Variants in C1orf198 observed in about 807,000 individuals in gnomAD.
The protein encoded by C1orf198 is chromosome 1 open reading frame 198.
C1orf198 carries 17 observed loss-of-function variants against 31.4 expected under a neutral mutation model. The ratio of observed to expected loss-of-function variants is 0.54; its 90% CI spans 0.37 to 0.81. The LOEUF (loss-of-function observed/expected upper bound fraction) is 0.81, where lower values mean the gene tolerates loss of function less well. Among genes scored for constraint, C1orf198 ranks in the 40% least tolerant of loss-of-function variants. The pLI, the probability that C1orf198 is intolerant of heterozygous loss-of-function variation, is 0.00. For missense variants in C1orf198, 401 were observed against 450.3 expected, an observed-to-expected ratio of 0.89 and a Z score of 0.99; for synonymous variants, 175 against 193.8, an observed-to-expected ratio of 0.90 and a Z score of 0.81.
intron 3 of C1orf198, among the ~76,000 whole-genome samples, chr1:230,841,043 A>G (rs966317243): frequency 5.9e-5 from 9 of 152,186 alleles, no homozygotes; most frequent in African/African-American, 2.2e-4. Context: ...TAGAGTGGGG[A>G]CTATCACCTA....
In C1orf198 at chr1:230,843,197, G is replaced by C. The variant is rs1356538462; in HGVS notation, c.927+157C>G. The stretch of plus-strand genomic sequence containing the variant: ...TTGTTGCATATTTGTTGGTGGCTCA[G>C]CACCCTGAGCCTAGGCATCCTCTGA... On this transcript the variant is annotated intron_variant, in intron 3 of 3. Transcript: ENST00000366663. The surrounding 1 kb of genome is among the most constrained non-coding windows in gnomAD (Gnocchi z 4.9). 6.6e-6 allele frequency among the ~76,000 whole-genome samples: 1 copy of C among 152,152 alleles called. No individual in the cohort carries two copies. Among genetic ancestry groups the C allele is most frequent in the Non-Finnish European group, 1.5e-5 (1 of 68,028 alleles).
At chr1:230,847,576 C>T (rs1435705543) in intron 2 of C1orf198, among the ~76,000 whole-genome samples, 1 of 152,178 alleles carries the variant, frequency 6.6e-6, no homozygotes, top group Non-Finnish European at 1.5e-5. Flanking sequence ...CCAGGTATGA[C>T]ATCCATGGAA....
chr1:230,865,629 C>T (rs1333732269), intron 1 of C1orf198, among the ~76,000 whole-genome samples: 1 of 152,212 alleles, frequency 6.6e-6, no homozygotes, highest in Non-Finnish European at 1.5e-5. Flanking sequence ...GGCAAGGGGC[C>T]ATCTGGGCCT....
chr1:230,868,399 G>A lies in C1orf198; in HGVS notation c.114C>T (p.Pro38=), dbSNP rs898435896. 3.8e-6 allele frequency: 6 copies of A among 1,596,636 alleles called. No individual in the cohort carries two copies. In the African/African-American group the frequency reaches 5.5e-5, roughly 15 times the overall value. ...TGTCCTGCATGATCTTCCTGGCCAT[G>A]GGGCTCAGCGACGAGAAGTAAGTGA... The part of the protein sequence containing the change: ...KRFTYFSSLS[P]MARKIMQDKE... The change falls in exon 1 of 4, where the codon CCC becomes CCT. Residue 38 remains proline (P), a synonymous_variant. Transcript: ENST00000366663.
intron 2 of C1orf198, among the ~76,000 whole-genome samples, chr1:230,845,655 C>A (rs1194517183): frequency 2.0e-5 from 3 of 151,598 alleles, no homozygotes; most frequent in Non-Finnish European, 4.4e-5. Context: ...TGCACTCCAG[C>A]CTGGGCAACA....
intron 1 of C1orf198, among the ~76,000 whole-genome samples, chr1:230,860,649 T>C (rs1453353497): frequency 1.3e-5 from 2 of 152,176 alleles, no homozygotes; most frequent in Non-Finnish European, 2.9e-5. Flanking sequence ...ATAAGGTACC[T>C]AGAGTAGGCA....
Position 230,839,740 on chromosome 1 carries a change from A to G in C1orf198, c.*112T>C. 2.2e-6 allele frequency: 2 copies of G among 912,560 alleles called. No individual in the cohort carries two copies. The highest frequency in any genetic ancestry group is 3.3e-6 in the Non-Finnish European group (2 of 607,988). 56.5% of individuals were successfully genotyped at this position (912,560 alleles called of 1,614,324 possible). A position where few individuals can be genotyped will look rare whatever the true frequency, so the allele number is the denominator to read the frequency against. On this transcript the variant is annotated 3_prime_UTR_variant, in exon 4 of 4. Coordinates refer to ENST00000366663, the MANE Select transcript of C1orf198 (RefSeq NM_032800.3). ...CCAGTTTCCAAATGATTAAGAAAAG[A>G]GTGTCAAGAAACCAGTAAAATACAT...
Position 230,868,217 on chromosome 1 carries a change from C to A in C1orf198, c.296G>T (p.Gly99Val). The change falls in exon 1 of 4, where the codon GGG (glycine) becomes GTG (valine). Residue 99 changes from glycine (G) to valine (V), a missense_variant. By Grantham distance (109) the Gly-to-Val change is moderately radical. Transcript: ENST00000366663. Reference protein sequence around the residue: ...EELTRFPGLRGPTGQKVVRFG... With the variant: ...EELTRFPGLRVPTGQKVVRFG... ...GCGCACCACCTTCTGGCCCGTGGGC[C>A]CGCGCAAGCCGGGGAAGCGCGTGAG... 6.5e-7 allele frequency: 1 copy of A among 1,537,098 alleles called. No individual in the cohort carries two copies. Among genetic ancestry groups the A allele is most frequent in the South Asian group, 1.2e-5 (1 of 83,614 alleles).
At chr1:230,853,109 T>A (rs542554348) in intron 2 of C1orf198, among the ~76,000 whole-genome samples, 1 of 152,250 alleles carries the variant, frequency 6.6e-6, no homozygotes, top group East Asian at 1.9e-4. Context: ...CATCAGGCGA[T>A]CAGATGACAC....
chr1:230,859,362 C>T (rs971955289), intron 1 of C1orf198, among the ~76,000 whole-genome samples: 1 of 152,116 alleles, frequency 6.6e-6, no homozygotes, highest in Admixed American at 6.5e-5. Flanking sequence ...TCCCACCCCC[C>T]TCTCTGGCGC....
intron 2 of C1orf198, among the ~76,000 whole-genome samples, chr1:230,851,991 A>G (rs1413332560): frequency 1.3e-5 from 2 of 152,222 alleles, no homozygotes; most frequent in East Asian, 1.9e-4. Flanking sequence ...GCCCATGGCC[A>G]TGACCTTGGG....
In C1orf198 at chr1:230,868,436, T is replaced by G; in HGVS notation, c.77A>C (p.Glu26Ala). The G allele has an allele frequency of 1.3e-6, 2 of 1,578,262 alleles. No individual in the cohort carries two copies. The highest frequency in any genetic ancestry group is 1.7e-6 in the Non-Finnish European group (2 of 1,162,256). ...CGAGAAGTAAGTGAAGCGCTTTCGC[T>G]CCCGGTCGTCCAGAGGCCGGTTCCC... The part of the protein sequence containing the change: ...MSGNRPLDDR[E>A]RKRFTYFSSL... The change falls in exon 1 of 4, where the codon GAG becomes GCG. Residue 26 changes from glutamate (E) to alanine (A), a missense_variant. By Grantham distance (107) the Glu-to-Ala change is moderately radical. Transcript: ENST00000366663.
rs919414438 is a variant in C1orf198 at position 230,860,408 on chromosome 1, G to A, written c.334-4690C>T. ...AGGGGCTCAGAGATCCTTATACCCC[G>A]ATGTTTATAGCTGTGCCATTCACAA... On this transcript the variant is annotated intron_variant, in intron 1 of 3. Transcript: ENST00000366663. 3.9e-5 allele frequency among the ~76,000 whole-genome samples: 6 copies of A among 152,160 alleles called. No individual in the cohort carries two copies. In the East Asian group the frequency reaches 7.7e-4, roughly 20 times the overall value.
intron 1 of C1orf198, among the ~76,000 whole-genome samples, chr1:230,862,201 G>A (rs57403501): frequency 0.015 from 2,238 of 152,244 alleles, 49 homozygotes; most frequent in African/African-American, 0.05. Flanking sequence ...TTTAATTACC[G>A]AGTGACAACA....
At chr1:230,844,339 C>T (rs572403715) in intron 2 of C1orf198, among the ~76,000 whole-genome samples, 226 of 152,076 alleles carry the variant, frequency 1.5e-3, no homozygotes, top group African/African-American at 5.3e-3. Flanking sequence ...CCCTCTTGCT[C>T]CTGCTCTGCC....
In C1orf198 at chr1:230,843,989, T is replaced by C; in HGVS notation, c.385-93A>G. 1.5e-6 allele frequency: 2 copies of C among 1,306,040 alleles called. No individual in the cohort carries two copies. The highest frequency in any genetic ancestry group is 3.0e-5 in the South Asian group (2 of 66,642). The allele number at this position is 1,306,040 out of a possible 1,614,324, so 80.9% of individuals were successfully genotyped here. On this transcript the variant is annotated intron_variant, in intron 2 of 3. Transcript: ENST00000366663. The surrounding 1 kb of genome is among the most constrained non-coding windows in gnomAD (Gnocchi z 4.9). ...CCAGCTCACGCACCCCTCCTCAGCA[T>C]AAGGACGCACACCAGCCACACACGA...
At chr1:230,854,121 A>T (rs1223363759) in intron 2 of C1orf198, among the ~76,000 whole-genome samples, 10 of 152,196 alleles carry the variant, frequency 6.6e-5, no homozygotes, top group Non-Finnish European at 5.9e-5. Flanking sequence ...AGGTCTTAGG[A>T]CACTTTAACT....
At position 230,840,452 on chromosome 1, in the gene C1orf198, G is replaced by T. The variant is rs1414594513; in HGVS notation, c.928-544C>A. Among the ~76,000 whole-genome samples the T allele has an allele frequency of 6.6e-6, 1 of 152,186 alleles. No homozygotes were observed. Among genetic ancestry groups the T allele is most frequent in the Non-Finnish European group, 1.5e-5 (1 of 68,032 alleles). On this transcript the variant is annotated intron_variant, in intron 3 of 3. Coordinates refer to ENST00000366663, the MANE Select transcript of C1orf198 (RefSeq NM_032800.3). This position sits in a 1 kb window ranked among gnomAD's most constrained non-coding sequence, Gnocchi z 4.0. ...CCTCCGGGGCTCAAGCGATCCTCTT[G>T]CCTCGGCCTCCCACGTAGCTGGGAC...
chr1:230,842,573 G>T (rs1013151700), intron 3 of C1orf198, among the ~76,000 whole-genome samples: 1 of 152,072 alleles, frequency 6.6e-6, no homozygotes, highest in African/African-American at 2.4e-5. Context: ...TGACACAATG[G>T]ACTTTGGGGA....
Sources: allele counts gnomAD v4.1 joint callset (sites outside exome capture counted in the v4.1 genomes callset), GRCh38; gene constraint gnomAD v4.1.1; non-coding constraint Gnocchi (gnomAD v3.1); transcripts MANE v1.5; gene names NCBI Gene and HGNC (gene_info 2026-07-23, HGNC 2026-07-21).